The following ADGRB3 variants were observed in gnomAD, a reference collection of about 807,000 sequenced individuals.
ADGRB3 encodes the protein adhesion G protein-coupled receptor B3.
A neutral mutation model predicts 193.4 loss-of-function variants in ADGRB3; 37 were observed. The ratio of observed to expected loss-of-function variants is 0.19; its 90% CI spans 0.15 to 0.25. ADGRB3 has a LOEUF of 0.25. Among genes scored for constraint, ADGRB3 ranks in the 10% least tolerant of loss-of-function variants. The pLI, the probability that ADGRB3 is intolerant of heterozygous loss-of-function variation, is 1.00. For missense variants in ADGRB3, 1,637 were observed against 1,852.9 expected, an observed-to-expected ratio of 0.88 and a Z score of 2.14; for synonymous variants, 690 against 644.2, an observed-to-expected ratio of 1.07 and a Z score of -1.08.
chr6:68,919,320 T>C (rs952213262), intron 3 of ADGRB3, among the ~76,000 whole-genome samples: 1 of 151,504 alleles, frequency 6.6e-6, no homozygotes, highest in Non-Finnish European at 1.5e-5. Flanking sequence ...GGGCACTGTG[T>C]GTTTGTTAAA....
chr6:69,035,599 G>A (rs1336651), intron 13 of ADGRB3, among the ~76,000 whole-genome samples: 64,712 of 151,816 alleles, frequency 0.43, 14,476 homozygotes, highest in African/African-American at 0.47. Flanking sequence ...CAAGTATAAC[G>A]GGAAACCTGG....
At chr6:68,700,508 C>T (rs1765225250) in intron 3 of ADGRB3, among the ~76,000 whole-genome samples, 2 of 151,972 alleles carry the variant, frequency 1.3e-5, no homozygotes, top group African/African-American at 4.8e-5. Context: ...TAACTTCTGC[C>T]ATTAAAACAA....
At chr6:69,033,460 T>A (rs1770773405) in intron 13 of ADGRB3, among the ~76,000 whole-genome samples, 6 of 152,226 alleles carry the variant, frequency 3.9e-5, no homozygotes, top group Non-Finnish European at 7.4e-5. Context: ...CTGAAATTTA[T>A]AAATGAATTA....
intron 21 of ADGRB3, among the ~76,000 whole-genome samples, chr6:69,325,640 T>C (rs1049761788): frequency 6.6e-6 from 1 of 152,212 alleles, no homozygotes; most frequent in Non-Finnish European, 1.5e-5. Context: ...CCAATTCTAA[T>C]GATAGCCTAG....
At chr6:68,675,446 T>G (rs1011721208) in intron 3 of ADGRB3, among the ~76,000 whole-genome samples, 1 of 151,780 alleles carries the variant, frequency 6.6e-6, no homozygotes, top group African/African-American at 2.4e-5. Flanking sequence ...GACTTAAAAT[T>G]CAAAAAAATG....
intron 17 of ADGRB3, among the ~76,000 whole-genome samples, chr6:69,105,216 C>T (rs1398913565): frequency 1.3e-5 from 2 of 152,158 alleles, no homozygotes; most frequent in African/African-American, 2.4e-5. Flanking sequence ...TTCCATCTAC[C>T]ATTATTGTAC....
At chr6:69,100,933 G>T (rs1178103249) in intron 17 of ADGRB3, among the ~76,000 whole-genome samples, 2 of 8,648 alleles carry the variant, frequency 2.3e-4, no homozygotes, top group East Asian at 1.7e-3. Flanking sequence ...AAGGAGGGAG[G>T]GAGGGAAGGA....
chr6:68,668,271 A>G (rs140938304), intron 3 of ADGRB3, among the ~76,000 whole-genome samples: 16 of 152,100 alleles, frequency 1.1e-4, no homozygotes, highest in African/African-American at 3.6e-4. Flanking sequence ...CTCTCTTTCA[A>G]ATCTTGTATA....
At chr6:68,932,430 G>C (rs902315329) in intron 4 of ADGRB3, among the ~76,000 whole-genome samples, 3 of 152,014 alleles carry the variant, frequency 2.0e-5, no homozygotes, top group Non-Finnish European at 4.4e-5. Flanking sequence ...GGAACATTGT[G>C]TTTTCCTAGT....
chr6:69,246,627 C>T (rs1766503798), intron 20 of ADGRB3, among the ~76,000 whole-genome samples: 1 of 152,098 alleles, frequency 6.6e-6, no homozygotes, highest in Admixed American at 6.5e-5. Flanking sequence ...GTGGTAAAAG[C>T]CAGAGACCAC....
At chr6:69,310,901 AG>A (rs1768175351) in intron 20 of ADGRB3, among the ~76,000 whole-genome samples, 1 of 151,758 alleles carries the variant, frequency 6.6e-6, no homozygotes, top group Non-Finnish European at 1.5e-5. Flanking sequence ...TACTTATAAA[AG>A]TAATATTACT....
intron 3 of ADGRB3, among the ~76,000 whole-genome samples, chr6:68,730,174 G>A (rs1378144482): frequency 6.6e-6 from 1 of 151,482 alleles, no homozygotes; most frequent in African/African-American, 2.4e-5. Context: ...TTAGTTAAAT[G>A]TACAGTAAAT....
At chr6:69,383,207 T>G (rs1384953487) in intron 31 of ADGRB3, among the ~76,000 whole-genome samples, 1 of 152,054 alleles carries the variant, frequency 6.6e-6, no homozygotes, top group Non-Finnish European at 1.5e-5. Context: ...ATCTGATCAT[T>G]TTACTGTCAG....
At chr6:69,002,776 TA>T (rs1209449692) in intron 11 of ADGRB3, among the ~76,000 whole-genome samples, 1 of 152,190 alleles carries the variant, frequency 6.6e-6, no homozygotes, top group African/African-American at 2.4e-5. Flanking sequence ...TTTTGTTGAC[TA>T]AATAAGATCT....
chr6:69,040,786 C>T (rs546867749), intron 13 of ADGRB3, among the ~76,000 whole-genome samples: 9 of 141,110 alleles, frequency 6.4e-5, no homozygotes, highest in Non-Finnish European at 1.4e-4. Flanking sequence ...AAGGAATATG[C>T]AAAATAGCTA....
intron 20 of ADGRB3, among the ~76,000 whole-genome samples, chr6:69,264,748 T>C (rs185390275): frequency 3.7e-4 from 57 of 152,030 alleles, no homozygotes; most frequent in Non-Finnish European, 7.8e-4. Flanking sequence ...ATGAGAGTTC[T>C]TTTCAACATT....
chr6:69,081,256 CACTGAAAAT>C (rs536109101), intron 17 of ADGRB3, among the ~76,000 whole-genome samples: 74 of 152,022 alleles, frequency 4.9e-4, no homozygotes, highest in African/African-American at 1.6e-3. Context: ...ATTATATTCA[CACTGAAAAT>C]ACTGAAAATA....
intron 11 of ADGRB3, among the ~76,000 whole-genome samples, chr6:68,994,397 GA>G (rs1769327081): frequency 1.3e-5 from 2 of 152,244 alleles, no homozygotes; most frequent in South Asian, 2.1e-4. Context: ...ATTAGTGGGG[GA>G]AAAACATATT....
At chr6:69,061,026 C>T (rs1771732450) in intron 15 of ADGRB3, among the ~76,000 whole-genome samples, 1 of 151,430 alleles carries the variant, frequency 6.6e-6, no homozygotes, top group African/African-American at 2.4e-5. Flanking sequence ...GTTTTCTGTC[C>T]TTCAAAATGT....
Sources: gnomAD v4.1 joint callset for allele counts (sites outside exome capture counted in the v4.1 genomes callset) on GRCh38, gnomAD v4.1.1 for gene constraint, MANE v1.5 for transcripts, NCBI Gene and HGNC (gene_info 2026-07-23, HGNC 2026-07-21) for gene names.